The following CARD8 variants were observed in gnomAD, a reference collection of about 807,000 sequenced individuals.
The protein encoded by CARD8 is caspase recruitment domain-containing protein 8.
A neutral mutation model predicts 53.2 loss-of-function variants in CARD8; 38 were observed. That is an observed-to-expected ratio of 0.71 (90% CI 0.55 to 0.94). The LOEUF is 0.94. Ranked by LOEUF, CARD8 falls within the 40% of genes least tolerant of loss-of-function variation. The probability of loss-of-function intolerance (pLI) is 0.00; values close to 1 mark genes in which losing one functional copy is unlikely to be tolerated. For synonymous variants in CARD8, 245 were observed against 244.9 expected (o/e 1.00, Z 0.00); for missense variants, 561 against 655.5 (o/e 0.86, Z 1.57).
chr19:48,230,070 G>A (rs536284765), intron 10 of CARD8, among the ~76,000 whole-genome samples: 5 of 152,080 alleles, frequency 3.3e-5, no homozygotes, highest in African/African-American at 4.8e-5. Flanking sequence ...CCAAGATTGC[G>A]CCAGTTCACT....
chr19:48,236,843 T>C (rs899903867), intron 5 of CARD8, among the ~76,000 whole-genome samples: 6 of 152,084 alleles, frequency 3.9e-5, no homozygotes, highest in Non-Finnish European at 7.4e-5. Flanking sequence ...GGCGTGATCT[T>C]GGCTCACTGC....
rs150900973 is a variant in CARD8, at chr19:48,221,008, A to AAAAGAAAG, written c.1161+714_1161+721dup. Among the ~76,000 whole-genome samples, 285 of 122,038 alleles carry AAAAGAAAG rather than the reference A, an allele frequency of 2.3e-3. 4 individuals carry two copies. Among genetic ancestry groups the AAAAGAAAG allele is most frequent in the Non-Finnish European group, 2.3e-3 (140 of 60,760 alleles). 80.1% of individuals were successfully genotyped at this position (122,038 alleles called of 152,430 possible). On this transcript the variant is annotated intron_variant, in intron 11 of 13. Coordinates refer to ENST00000651546, the MANE Select transcript of CARD8 (RefSeq NM_001184900.3). ...AAGGAAGGAAGGAAAGAAAGAAAGA[A>AAAAGAAAG]AAAGAAAGAAAGAAAGAGAGAAAGA...
chr19:48,215,468 C>A, intron 12 of CARD8, 84 bp from the exon 13 acceptor site: 1 of 913,828 alleles, frequency 1.1e-6, no homozygotes, highest in Non-Finnish European at 1.8e-6. Flanking sequence ...ATGCAACCAA[C>A]TGAAATAATT....
intron 11 of CARD8, among the ~76,000 whole-genome samples, chr19:48,221,008 A>AAAAAAG (rs1555806508): frequency 2.5e-5 from 3 of 122,040 alleles, no homozygotes; most frequent in East Asian, 2.3e-4. Flanking sequence ...GAAAGAAAGA[A>AAAAAAG]AAAGAAAGAA....
At chr19:48,251,998 T>G (rs1479180780) in intron 1 of CARD8, among the ~76,000 whole-genome samples, 1 of 152,192 alleles carries the variant, frequency 6.6e-6, no homozygotes, top group Non-Finnish European at 1.5e-5. Context: ...CTTTTATAAA[T>G]CTGAGAAAAA....
At chr19:48,203,958 G>A, downstream of CARD8, 1 of 324,838 alleles carries the variant, frequency 3.1e-6, no homozygotes, top group South Asian at 2.2e-5. Flanking sequence ...CCTTTGCTGA[G>A]TGTGAGGGCC....
intron 10 of CARD8, among the ~76,000 whole-genome samples, chr19:48,229,579 T>C (rs2042453964): frequency 6.6e-6 from 1 of 152,236 alleles, no homozygotes; most frequent in Non-Finnish European, 1.5e-5. Flanking sequence ...GACGATACAA[T>C]TTAATGTAAT....
intron 5 of CARD8, chr19:48,238,175 G>A: frequency 1.2e-6 from 1 of 849,000 alleles, no homozygotes; most frequent in Non-Finnish European, 1.7e-6. Flanking sequence ...ACAGGTGTGA[G>A]CCACTGGGCT....
At chr19:48,204,150 G>T, downstream of CARD8, 1 of 455,366 alleles carries the variant, frequency 2.2e-6, no homozygotes, top group Non-Finnish European at 4.4e-6. Context: ...TCTGGGTGAG[G>T]AGGCGGACGC....
At chr19:48,227,895 C>T (rs1416300607) in intron 10 of CARD8, among the ~76,000 whole-genome samples, 1 of 152,118 alleles carries the variant, frequency 6.6e-6, no homozygotes, top group African/African-American at 2.4e-5. Flanking sequence ...CCCCAACACC[C>T]GGGCCGCAGA....
intron 13 of CARD8, 99 bp downstream of exon 13, chr19:48,215,241 C>T (rs1205295737): frequency 4.8e-6 from 4 of 837,356 alleles, no homozygotes; most frequent in Non-Finnish European, 6.1e-6. Context: ...CTGCCAGTAA[C>T]GTTCTGGTGC....
intron 10 of CARD8, among the ~76,000 whole-genome samples, chr19:48,229,310 CAT>C (rs1344862988): frequency 2.6e-5 from 4 of 152,046 alleles, no homozygotes; most frequent in Admixed American, 2.0e-4. Context: ...AGCAAGTAAG[CAT>C]ATGAGATTTG....
downstream of CARD8, among the ~76,000 whole-genome samples, chr19:48,206,038 C>T (rs1054119433): frequency 3.3e-5 from 5 of 152,190 alleles, no homozygotes; most frequent in Middle Eastern, 3.4e-3. Flanking sequence ...GCTGGGATTA[C>T]GGGTGTGCGC....
rs551342272 is a variant in CARD8 at position 48,211,222 on chromosome 19, CAA to C, written c.*486_*487del. 11 of 139,594 alleles carry C rather than the reference CAA, an allele frequency of 7.9e-5. No homozygotes were observed. The highest frequency in any genetic ancestry group is 2.9e-4 in the Admixed American group (4 of 13,924). 8.6% of individuals were successfully genotyped at this position (139,594 alleles called of 1,614,324 possible). On this transcript the variant is annotated 3_prime_UTR_variant, in exon 14 of 14. Coordinates refer to ENST00000651546, the MANE Select transcript of CARD8 (RefSeq NM_001184900.3). ...GATAAAGTGTTAAAGTCCTAACATA[CAA>C]AAAAAAAAAAGACTGTCATCATGTA...
At chr19:48,205,182 A>G (rs1245859767), downstream of CARD8, among the ~76,000 whole-genome samples, 2 of 151,910 alleles carry the variant, frequency 1.3e-5, no homozygotes, top group African/African-American at 4.8e-5. Flanking sequence ...TATGCTAAGT[A>G]CTCTTATTTT....
rs950097914 is a variant in CARD8, at chr19:48,232,727, T to C, written c.351-234A>G. Reference sequence around the variant, plus strand: ...CATATCACTCACGGCTATAACACTGTGTAGCAGAGAATGGAACACTCCCGT... The same window carrying C: ...CATATCACTCACGGCTATAACACTGCGTAGCAGAGAATGGAACACTCCCGT... On this transcript the variant is annotated intron_variant, in intron 6 of 13. Transcript: ENST00000651546. 4 of 658,972 alleles carry C rather than the reference T, an allele frequency of 6.1e-6. No individual in the cohort carries two copies. The Admixed American group carries it at 6.2e-5, about 10-fold the overall frequency. The allele number at this position is 658,972 out of a possible 1,614,324, so 40.8% of individuals were successfully genotyped here. A position where few individuals can be genotyped will look rare whatever the true frequency, so the allele number is the denominator to read the frequency against.
chr19:48,206,647 A>C (rs1479485335), downstream of CARD8: 9 of 385,382 alleles, frequency 2.3e-5, no homozygotes, highest in Non-Finnish European at 3.1e-5. Flanking sequence ...CTTTTAGCTT[A>C]ATGAAAACTC....
rs913762227 is a variant in CARD8, at chr19:48,225,359, C to T, written c.1036-3504G>A. 2.3e-4 allele frequency among the ~76,000 whole-genome samples: 35 copies of T among 151,868 alleles called. 1 individual carries two copies. The highest frequency in any genetic ancestry group is 7.7e-4 in the African/African-American group (32 of 41,358). On this transcript the variant is annotated intron_variant, in intron 10 of 13. Transcript: ENST00000651546. ...TACAAGAATTAGTGGGGTGTGGTGG[C>T]GCATGCCTGTAGTCTCAGCTACTCG...
rs1335134973 is a variant in CARD8 at position 48,249,332 on chromosome 19, G to C, written c.-44+191C>G. 3.3e-5 allele frequency among the ~76,000 whole-genome samples: 5 copies of C among 152,226 alleles called. No homozygotes were observed. The East Asian group carries it at 7.7e-4, about 23-fold the overall frequency. The stretch of plus-strand genomic sequence containing the variant: ...AAACCAAATACATAAATCATGCAGG[G>C]GGATTAAGACGTTTCTGGATAGTGG... On this transcript the variant is annotated intron_variant, in intron 3 of 13. Transcript: ENST00000651546.
Sources: allele counts gnomAD v4.1 joint callset (sites outside exome capture counted in the v4.1 genomes callset), GRCh38; gene constraint gnomAD v4.1.1; transcripts MANE v1.5; gene names NCBI Gene and HGNC (gene_info 2026-07-23, HGNC 2026-07-21).